Variants in PCDHA4 observed in about 807,000 individuals in gnomAD.
PCDHA4 encodes the protein protocadherin alpha-4.
In PCDHA4, 49 loss-of-function variants were observed where a neutral mutation model predicts 61.4. The ratio of observed to expected loss-of-function variants is 0.80; its 90% CI spans 0.63 to 1.01. The LOEUF (loss-of-function observed/expected upper bound fraction) is 1.01. Among genes scored for constraint, PCDHA4 ranks in the 50% least tolerant of loss-of-function variants. The pLI is 0.00. For synonymous variants in PCDHA4, 590 were observed against 550.3 expected (o/e 1.07, Z -1.01); for missense variants, 1,254 against 1,235.8 (o/e 1.01, Z -0.22).
At chr5:140,871,456 G>A (rs782153529) in intron 1 of PCDHA4, 2 of 1,607,284 alleles carry the variant, frequency 1.2e-6, no homozygotes, top group East Asian at 4.5e-5. Context: ...AGAGGAGGAA[G>A]GGGAAAGACA....
chr5:140,985,739 CTTTTT>C (rs11372071), intron 3 of PCDHA4, among the ~76,000 whole-genome samples: 1 of 117,916 alleles, frequency 8.5e-6, no homozygotes, highest in Non-Finnish European at 1.7e-5. Context: ...TGATGAATTC[CTTTTT>C]TTTTTTTTTT....
intron 1 of PCDHA4, chr5:140,827,981 T>G (rs1359301062): frequency 2.8e-6 from 4 of 1,422,902 alleles, no homozygotes; most frequent in Non-Finnish European, 3.8e-6. Flanking sequence ...ATTCCCTGAC[T>G]GTTGAATGAT....
At chr5:140,832,640 G>T (rs2150203055) in intron 1 of PCDHA4, among the ~76,000 whole-genome samples, 1 of 152,252 alleles carries the variant, frequency 6.6e-6, no homozygotes, top group Middle Eastern at 3.4e-3. Flanking sequence ...TCCTAGGAGG[G>T]TCTTTAAGAG....
intron 1 of PCDHA4, among the ~76,000 whole-genome samples, chr5:140,873,019 T>C (rs1453965744): frequency 6.6e-6 from 1 of 152,206 alleles, no homozygotes; most frequent in Non-Finnish European, 1.5e-5. Flanking sequence ...TATTTAGTTA[T>C]TCTTACTACA....
At chr5:140,922,181 A>G (rs2080696715) in intron 1 of PCDHA4, among the ~76,000 whole-genome samples, 1 of 152,324 alleles carries the variant, frequency 6.6e-6, no homozygotes, top group South Asian at 2.1e-4. Context: ...GCAGACAAAA[A>G]AAAAGTCTTA....
Position 141,009,784 on chromosome 5 carries a change from G to T in PCDHA4, c.2691G>T (p.Arg897=). The T allele has an allele frequency of 6.2e-7, 1 of 1,614,054 alleles. No individual in the cohort carries two copies. The highest frequency in any genetic ancestry group is 8.5e-7 in the Non-Finnish European group (1 of 1,180,018). ...GATCTCCTGCAATCATCTCCATCCG[G>T]CAGGAGCCTACTAACAGCCAAATTG... ...IPGSPAIISI[R]QEPTNSQIDK... The change falls in exon 4 of 4, where the codon CGG becomes CGT. Residue 897 remains arginine (R), a synonymous_variant. Coordinates refer to ENST00000530339, the MANE Select transcript of PCDHA4 (RefSeq NM_018907.4).
intron 1 of PCDHA4, among the ~76,000 whole-genome samples, chr5:140,908,126 C>T (rs573751399): frequency 1.6e-4 from 24 of 152,360 alleles, no homozygotes; most frequent in South Asian, 1.0e-3. Context: ...TTTCCCTTCA[C>T]TGCTGTCCTT....
intron 1 of PCDHA4, among the ~76,000 whole-genome samples, chr5:140,978,500 G>T (rs1480843119): frequency 2.0e-5 from 3 of 152,228 alleles, no homozygotes; most frequent in Non-Finnish European, 2.9e-5. Context: ...GCAGCAGATT[G>T]CAGTCCTCTG....
chr5:141,006,029 G>A (rs539375544), intron 3 of PCDHA4, among the ~76,000 whole-genome samples: 12 of 151,322 alleles, frequency 7.9e-5, no homozygotes, highest in Non-Finnish European at 1.2e-4. Context: ...ATAATAGTAA[G>A]AGGGAGATTT....
intron 1 of PCDHA4, among the ~76,000 whole-genome samples, chr5:140,831,520 CTTTTT>C (rs2150195630): frequency 0.11 from 13,870 of 122,344 alleles, 1,092 homozygotes; most frequent in African/African-American, 0.22. Flanking sequence ...TGCCCCCCAC[CTTTTT>C]TTTTTTTTTT....
chr5:140,905,882 A>G (rs1213836068), intron 1 of PCDHA4, among the ~76,000 whole-genome samples: 1 of 152,192 alleles, frequency 6.6e-6, no homozygotes, highest in Admixed American at 6.5e-5. Context: ...GCCCAACAAT[A>G]GGCCATCTGC....
At chr5:140,895,949 T>C (rs1413820088) in intron 1 of PCDHA4, among the ~76,000 whole-genome samples, 1 of 152,256 alleles carries the variant, frequency 6.6e-6, no homozygotes, top group East Asian at 1.9e-4. Context: ...TAGCTGGGAT[T>C]ACAGGTGCCT....
rs1413511622 is a variant in PCDHA4, at chr5:140,853,854, T to A, written c.2385+44282T>A. ...CGAAATTTTAGATCCATAGCCCTAT[T>A]TGATACTTGACAGTGCAAGTTTCTG... On this transcript the variant is annotated intron_variant, in intron 1 of 3. Coordinates refer to ENST00000530339, the MANE Select transcript of PCDHA4 (RefSeq NM_018907.4). The A allele has an allele frequency of 2.1e-5, 21 of 985,682 alleles. 4 individuals carry two copies. The highest frequency in any genetic ancestry group is 2.3e-5 in the Non-Finnish European group (19 of 817,834). The allele number at this position is 985,682 out of a possible 1,614,324, so 61.1% of individuals were successfully genotyped here. A position where few individuals can be genotyped will look rare whatever the true frequency, so the allele number is the denominator to read the frequency against.
At chr5:140,956,190 T>A (rs1441772845) in intron 1 of PCDHA4, among the ~76,000 whole-genome samples, 1 of 152,208 alleles carries the variant, frequency 6.6e-6, no homozygotes, top group Non-Finnish European at 1.5e-5. Flanking sequence ...CTATGCTGAA[T>A]AGGAGTGGTG....
chr5:140,917,164 G>C (rs155804), intron 1 of PCDHA4, among the ~76,000 whole-genome samples: 48,022 of 151,994 alleles, frequency 0.32, 7,940 homozygotes, highest in East Asian at 0.52. Context: ...TATGGGAGGG[G>C]TGATGGTGGT....
At position 140,853,244 on chromosome 5, in the gene PCDHA4, T is replaced by C. The variant is rs954151249; in HGVS notation, c.2385+43672T>C. ...TTGGTAATTTAGTCCTTCATATTAATCTCTATTCTCTCTCAGAGTACAAGC... is the reference window on the plus strand; with the variant it reads ...TTGGTAATTTAGTCCTTCATATTAACCTCTATTCTCTCTCAGAGTACAAGC... On this transcript the variant is annotated intron_variant, in intron 1 of 3. Transcript: ENST00000530339. 6.8e-5 allele frequency: 66 copies of C among 975,168 alleles called. 5 individuals carry two copies. Among genetic ancestry groups the C allele is most frequent in the Non-Finnish European group, 7.9e-5 (64 of 808,328 alleles). 60.4% of individuals were successfully genotyped at this position (975,168 alleles called of 1,614,324 possible).
At position 140,942,403 on chromosome 5, in the gene PCDHA4, T is replaced by A. The variant is rs184466711; in HGVS notation, c.2386-36546T>A. Among the ~76,000 whole-genome samples the A allele has an allele frequency of 2.8e-3, 421 of 151,284 alleles. 2 individuals are homozygous for A. The highest frequency in any genetic ancestry group is 0.014 in the Middle Eastern group (4 of 294). The stretch of plus-strand genomic sequence containing the variant: ...TTCCAGCCTGGGCGACAGATGAGAC[T>A]CTGTTTAAAAAAAAAAAAGATATCT... On this transcript the variant is annotated intron_variant, in intron 1 of 3. Transcript: ENST00000530339.
chr5:140,930,594 A>G (rs1554207944), intron 1 of PCDHA4: 2 of 152,716 alleles, frequency 1.3e-5, no homozygotes, highest in East Asian at 3.9e-4. Flanking sequence ...GACTTCTCAT[A>G]GAAATCCTAG....
At chr5:140,894,446 T>TA (rs2064476840) in intron 1 of PCDHA4, among the ~76,000 whole-genome samples, 2 of 152,118 alleles carry the variant, frequency 1.3e-5, no homozygotes, top group East Asian at 3.9e-4. Flanking sequence ...AGCTCTTTTT[T>TA]AAAAAATATT....
Sources: allele counts gnomAD v4.1 joint callset (sites outside exome capture counted in the v4.1 genomes callset), GRCh38; gene constraint gnomAD v4.1.1; transcripts MANE v1.5; gene names NCBI Gene and HGNC (gene_info 2026-07-23, HGNC 2026-07-21).